SPACA6: variants seen among roughly 807,000 people sequenced by gnomAD.
SPACA6 encodes sperm acrosome associated 6.
For synonymous variants in SPACA6, 6 were observed against 1.5 expected (o/e 4.05, Z -2.21); for missense variants, 8 against 2.8 (o/e 2.88, Z -1.34).
At chr19:51,706,378 G>A (rs935363551), downstream of SPACA6, among the ~76,000 whole-genome samples, 11 of 151,990 alleles carry the variant, frequency 7.2e-5, no homozygotes, top group African/African-American at 2.4e-4. Context: ...AAGTCTGCGC[G>A]GCTGGCACTG....
At chr19:51,683,801 T>C in the SPACA6 span, among the ~76,000 whole-genome samples, 1 of 152,222 alleles carries the variant, frequency 6.6e-6, no homozygotes, top group Admixed American at 6.5e-5. Flanking sequence ...TACACCCATT[T>C]TACTGATGAT....
chr19:51,684,485 C>T (rs2083319437), upstream of SPACA6, among the ~76,000 whole-genome samples: 1 of 152,120 alleles, frequency 6.6e-6, no homozygotes. Flanking sequence ...TCTGTTGCCT[C>T]CCCACTTCCC....
At chr19:51,691,563 A>C (rs1182835872), upstream of SPACA6, among the ~76,000 whole-genome samples, 1 of 151,362 alleles carries the variant, frequency 6.6e-6, no homozygotes, top group South Asian at 2.1e-4. Context: ...GAGAGGAGAG[A>C]GGCGATGGGC....
chr19:51,683,036 C>A, the SPACA6 span, among the ~76,000 whole-genome samples: 1 of 152,136 alleles, frequency 6.6e-6, no homozygotes, highest in Non-Finnish European at 1.5e-5. Flanking sequence ...GAGGGAGACT[C>A]CACCTCAAAA....
At chr19:51,691,745 C>G (rs1437548931), upstream of SPACA6, among the ~76,000 whole-genome samples, 1 of 148,996 alleles carries the variant, frequency 6.7e-6, no homozygotes, top group Non-Finnish European at 1.5e-5. Context: ...GAGAACCAGA[C>G]AGTCCAGGAG....
chr19:51,684,707 G>A (rs2083320652), upstream of SPACA6, among the ~76,000 whole-genome samples: 1 of 152,156 alleles, frequency 6.6e-6, no homozygotes, highest in Admixed American at 6.5e-5. Context: ...TAGCTGATGA[G>A]CTTAAAAAAA....
At position 51,704,023 on chromosome 19, in the gene SPACA6, C is replaced by G. The variant is rs1333504365; in HGVS notation, c.574-7C>G. 1 of 400,918 alleles carries G rather than the reference C, an allele frequency of 2.5e-6. No homozygotes were observed. The highest frequency in any genetic ancestry group is 2.1e-5 in the African/African-American group (1 of 48,664). The allele number at this position is 400,918 out of a possible 1,614,324, so 24.8% of individuals were successfully genotyped here. On this transcript the variant is annotated splice_region_variant and splice_polypyrimidine_tract_variant and intron_variant, in intron 6 of 8. Coordinates refer to ENST00000637797, the MANE Select transcript of SPACA6 (RefSeq NM_001316972.2). ...AGTTGAGGCGTTTAAACCCGCGTGT[C>G]CCGCAGCTCCGGACTCAGGACTTGT... is the stretch of plus-strand genomic sequence containing the variant.
Position 51,704,361 on chromosome 19 carries a change from G to T in SPACA6, c.822G>T (p.Glu274Asp), listed in dbSNP as rs947055835. The T allele has an allele frequency of 3.0e-5, 12 of 400,928 alleles. No individual in the cohort carries two copies. The highest frequency in any genetic ancestry group is 5.3e-5 in the Non-Finnish European group (12 of 226,216). 24.8% of individuals were successfully genotyped at this position (400,928 alleles called of 1,614,324 possible). A position where few individuals can be genotyped will look rare whatever the true frequency, so the allele number is the denominator to read the frequency against. ...CGCCGCGGGATGCCGAGCTGATCGA[G>T]CCCTGGAGGCCCAGCCTGGGCGAGC... ...RWAPRDAELI[E>D]PWRPSLGELL... The change falls in exon 8 of 9, where the codon GAG becomes GAT. Residue 274 changes from glutamate (E) to aspartate (D), a missense_variant. By Grantham distance (45) the Glu-to-Asp change is conservative. Coordinates refer to ENST00000637797, the MANE Select transcript of SPACA6 (RefSeq NM_001316972.2).
chr19:51,694,480 T>A lies in SPACA6; in HGVS notation c.217T>A (p.Tyr73Asn). 2.5e-6 allele frequency: 1 copy of A among 399,726 alleles called. No homozygotes were observed. The highest frequency in any genetic ancestry group is 4.4e-6 in the Non-Finnish European group (1 of 226,568). The allele number at this position is 399,726 out of a possible 1,614,324, so 24.8% of individuals were successfully genotyped here. A position where few individuals can be genotyped will look rare whatever the true frequency, so the allele number is the denominator to read the frequency against. Residue 73 changes from tyrosine (Y) to asparagine (N), a missense_variant and splice_region_variant, in exon 2 of 9, where the codon TAT becomes AAT. Physicochemically the swap from Tyr to Asn is moderately radical, Grantham distance 143 (BLOSUM62 -2). Transcript: ENST00000637797. ...FQGLSDTEIN[Y>N]DERSHLHDTF... ...CCTGCTCCCTCCCTCACCGCCAGAC[T>A]ATGATGAGAGAAGCCACCTGCATGA...
At chr19:51,702,518 GC>G in intron 3 of SPACA6, 110 bp from the exon 4 acceptor site, 1 of 398,066 alleles carries the variant, frequency 2.5e-6, no homozygotes, top group Non-Finnish European at 4.4e-6. Flanking sequence ...CGAAAGCTTG[GC>G]CCCGCCCCCT....
At chr19:51,692,577 G>A (rs1187829706), upstream of SPACA6, 3 of 514,144 alleles carry the variant, frequency 5.8e-6, no homozygotes, top group East Asian at 1.6e-4. This position sits in a 1 kb window ranked among gnomAD's most constrained non-coding sequence, Gnocchi z 5.6. Context: ...GGTTCCTTGG[G>A]GAGGAGGGGC....
chr19:51,702,240 T>C (rs2083474119), intron 3 of SPACA6, among the ~76,000 whole-genome samples: 1 of 151,738 alleles, frequency 6.6e-6, no homozygotes. Flanking sequence ...GGACTACTAC[T>C]AACCTGGCCA....
chr19:51,687,014 G>A (rs1270582625), upstream of SPACA6: 1 of 152,216 alleles, frequency 6.6e-6, no homozygotes, highest in African/African-American at 2.4e-5. Flanking sequence ...TGGGCCAGGT[G>A]TGGTGGCTCA....
At chr19:51,696,550 C>T (rs930586602) in intron 2 of SPACA6, among the ~76,000 whole-genome samples, 6 of 151,712 alleles carry the variant, frequency 4.0e-5, no homozygotes, top group South Asian at 4.2e-4. Context: ...TGGGCTCAAG[C>T]GATCTTCCTG....
the SPACA6 span, among the ~76,000 whole-genome samples, chr19:51,682,687 G>A: frequency 6.6e-6 from 1 of 152,186 alleles, no homozygotes; most frequent in African/African-American, 2.4e-5. Flanking sequence ...AGATAAACAT[G>A]GATACTATAT....
intron 4 of SPACA6, 53 bp downstream of exon 4, chr19:51,702,705 G>A (rs956821421): frequency 3.3e-5 from 13 of 399,038 alleles, no homozygotes; most frequent in African/African-American, 2.5e-4. Context: ...GGCGGTCGGG[G>A]ACGAAACGTA....
downstream of SPACA6, among the ~76,000 whole-genome samples, chr19:51,707,228 CCCTTT>C (rs1317678153): frequency 7.8e-6 from 1 of 128,268 alleles, no homozygotes; most frequent in Non-Finnish European, 1.6e-5. Flanking sequence ...TTCTCTCTCT[CCCTTT>C]TTTTTTTTTT....
upstream of SPACA6, chr19:51,687,258 A>AATACATACATACATAC (rs34885908): frequency 2.0e-5 from 3 of 147,302 alleles, no homozygotes; most frequent in African/African-American, 2.5e-5. Flanking sequence ...CTCAAAAATA[A>AATACATACATACATAC]ATACATACAT....
chr19:51,705,581 C>G (rs776976078), downstream of SPACA6, among the ~76,000 whole-genome samples: 1 of 152,164 alleles, frequency 6.6e-6, no homozygotes, highest in Non-Finnish European at 1.5e-5. Context: ...AAGCTGCCTT[C>G]TCTGTGGTCC....
Sources: allele counts gnomAD v4.1 joint callset (sites outside exome capture counted in the v4.1 genomes callset), GRCh38; gene constraint gnomAD v4.1.1; non-coding constraint Gnocchi (gnomAD v3.1); transcripts MANE v1.5; gene names NCBI Gene and HGNC (gene_info 2026-07-23, HGNC 2026-07-21).